The following THSD7A variants were observed in gnomAD, a reference collection of about 807,000 sequenced individuals.
THSD7A encodes the protein thrombospondin type-1 domain-containing protein 7A.
A neutral mutation model predicts 231.3 loss-of-function variants in THSD7A; 96 were observed. The observed-to-expected ratio is 0.41, with a 90% CI of 0.35 to 0.49. THSD7A has a LOEUF of 0.49. Among genes scored for constraint, THSD7A ranks in the 20% least tolerant of loss-of-function variants. THSD7A has a pLI of 0.05. For missense variants in THSD7A, 2,290 were observed against 2,070.2 expected (o/e 1.11, Z -2.06); for synonymous variants, 940 against 743.3 (o/e 1.26, Z -4.30).
intron 4 of THSD7A, among the ~76,000 whole-genome samples, chr7:11,543,362 T>A (rs1455457435): frequency 6.6e-6 from 1 of 152,228 alleles, no homozygotes; most frequent in Non-Finnish European, 1.5e-5. Flanking sequence ...AGTTTTACCA[T>A]TAATTGGTCA....
At chr7:11,821,065 T>C in intron 1 of THSD7A, 5 of 991,052 alleles carry the variant, frequency 5.0e-6, no homozygotes, top group Non-Finnish European at 7.9e-6. Context: ...CCATGTTTTA[T>C]GAAAGTACTG....
intron 1 of THSD7A, among the ~76,000 whole-genome samples, chr7:11,749,506 A>T (rs904121028): frequency 6.6e-6 from 1 of 151,358 alleles, no homozygotes; most frequent in Non-Finnish European, 1.5e-5. Context: ...CATCACCCAA[A>T]TGTGTATGTT....
chr7:11,426,615 T>C, intron 15 of THSD7A, 51 bp downstream of exon 15: 1 of 1,508,068 alleles, frequency 6.6e-7, no homozygotes. Flanking sequence ...AATCAGGAAA[T>C]TTAAGAAAAG....
At chr7:11,495,751 G>A (rs186074911) in intron 6 of THSD7A, among the ~76,000 whole-genome samples, 37 of 152,232 alleles carry the variant, frequency 2.4e-4, no homozygotes, top group African/African-American at 8.9e-4. Context: ...GGCAGAATGA[G>A]TTTCATAGAT....
intron 1 of THSD7A, among the ~76,000 whole-genome samples, chr7:11,776,228 ATG>A: frequency 6.6e-6 from 1 of 152,286 alleles, no homozygotes. Context: ...GTTAGGACAT[ATG>A]TTTCATTTTC....
chr7:11,750,234 T>G (rs993179453), intron 1 of THSD7A, among the ~76,000 whole-genome samples: 6 of 151,862 alleles, frequency 4.0e-5, no homozygotes, highest in Non-Finnish European at 7.4e-5. Context: ...TATTAATTAC[T>G]AATTATTATT....
Position 11,590,623 on chromosome 7 carries a change from T to C in THSD7A, c.1290A>G (p.Thr430=), listed in dbSNP as rs766682200. The C allele has an allele frequency of 3.1e-6, 5 of 1,609,584 alleles. No homozygotes were observed. The East Asian group carries it at 1.1e-4, about 36-fold the overall frequency. Residue 430 remains threonine (T), a synonymous_variant, in exon 4 of 28, where the codon ACA becomes ACG. Coordinates refer to ENST00000423059, the MANE Select transcript of THSD7A (RefSeq NM_015204.3). This position sits in a 1 kb window ranked among gnomAD's most constrained non-coding sequence, Gnocchi z 4.4. ...VPCATYGWRT[T]EWTECRVDPL... The stretch of plus-strand genomic sequence containing the variant: ...GGTCCACACGGCACTCAGTCCACTC[T>C]GTAGTTCTCCAGCCATACCTAAATA...
At chr7:11,429,264 G>A (rs1243870568) in intron 13 of THSD7A, 139 bp from the exon 14 acceptor site, 4 of 738,148 alleles carry the variant, frequency 5.4e-6, no homozygotes, top group Non-Finnish European at 8.1e-6. Flanking sequence ...CTGTTGTAAG[G>A]GACTTGAATT....
At chr7:11,614,930 A>G (rs978466178) in intron 2 of THSD7A, among the ~76,000 whole-genome samples, 4 of 152,204 alleles carry the variant, frequency 2.6e-5, no homozygotes, top group African/African-American at 9.6e-5. Flanking sequence ...TGAAATTTCA[A>G]TAATATGTTG....
At chr7:11,723,366 C>T (rs2128154047) in intron 1 of THSD7A, among the ~76,000 whole-genome samples, 1 of 151,276 alleles carries the variant, frequency 6.6e-6, no homozygotes, top group Non-Finnish European at 1.5e-5. Flanking sequence ...AGGTGGTATA[C>T]CTAATGTTAA....
intron 1 of THSD7A, among the ~76,000 whole-genome samples, chr7:11,725,474 A>AGC (rs1365174888): frequency 1.3e-5 from 2 of 152,000 alleles, no homozygotes; most frequent in African/African-American, 4.8e-5. Flanking sequence ...TGAATCTGCT[A>AGC]AGATTCACTG....
intron 4 of THSD7A, among the ~76,000 whole-genome samples, chr7:11,549,897 T>A (rs1298830382): frequency 1.3e-5 from 2 of 151,896 alleles, no homozygotes; most frequent in Non-Finnish European, 2.9e-5. Context: ...AACCTGCACA[T>A]CCTACACATG....
At chr7:11,751,235 G>A (rs530379987) in intron 1 of THSD7A, 12 of 152,048 alleles carry the variant, frequency 7.9e-5, no homozygotes, top group Admixed American at 3.3e-4. Context: ...GTTGTCTGTT[G>A]GTCCAACAGA....
At chr7:11,668,637 C>A (rs1358165) in intron 1 of THSD7A, among the ~76,000 whole-genome samples, 15,158 of 152,016 alleles carry the variant, frequency 0.1, 887 homozygotes, top group Admixed American at 0.15. Context: ...AAAGAGTGAA[C>A]ATGTATAAGA....
chr7:11,665,658 A>G (rs1362701229), intron 1 of THSD7A, among the ~76,000 whole-genome samples: 1 of 152,090 alleles, frequency 6.6e-6, no homozygotes, highest in Non-Finnish European at 1.5e-5. Flanking sequence ...GCTCTCTAAA[A>G]CTGTGAGGCA....
At chr7:11,611,647 T>A (rs1780925835) in intron 2 of THSD7A, among the ~76,000 whole-genome samples, 1 of 151,770 alleles carries the variant, frequency 6.6e-6, no homozygotes, top group Non-Finnish European at 1.5e-5. Flanking sequence ...ATATTTTAAA[T>A]TTATAAATTT....
intron 1 of THSD7A, among the ~76,000 whole-genome samples, chr7:11,731,596 T>C (rs748798467): frequency 4.0e-5 from 6 of 151,636 alleles, no homozygotes; most frequent in Non-Finnish European, 7.4e-5. Context: ...TATCCTGCAG[T>C]GTATTTTATA....
intron 1 of THSD7A, among the ~76,000 whole-genome samples, chr7:11,672,097 C>T (rs2128378812): frequency 6.6e-6 from 1 of 152,132 alleles, no homozygotes. Context: ...ATAAAATATT[C>T]CAAAACTTCT....
intron 6 of THSD7A, among the ~76,000 whole-genome samples, chr7:11,515,650 ATAT>A (rs1788001356): frequency 6.6e-6 from 1 of 152,124 alleles, no homozygotes; most frequent in African/African-American, 2.4e-5. Flanking sequence ...TTTTATATAT[ATAT>A]TTTTAGAGAT....
Sources: allele counts gnomAD v4.1 joint callset (sites outside exome capture counted in the v4.1 genomes callset), GRCh38; gene constraint gnomAD v4.1.1; non-coding constraint Gnocchi (gnomAD v3.1); transcripts MANE v1.5; gene names NCBI Gene and HGNC (gene_info 2026-07-23, HGNC 2026-07-21).